Variants in RGS6 observed in about 807,000 individuals in gnomAD.
The protein encoded by RGS6 is regulator of G protein signaling 6.
In RGS6, 30 loss-of-function variants were observed where a neutral mutation model predicts 78.5. The observed-to-expected ratio is 0.38, with a 90% confidence interval of 0.29 to 0.52. The LOEUF is 0.52. Among genes scored for constraint, RGS6 ranks in the 20% least tolerant of loss-of-function variants. The pLI is 0.85. For synonymous variants in RGS6, 206 were observed against 206.0 expected, an observed-to-expected ratio of 1.00 and a Z score of 0.00; for missense variants, 495 against 609.7, an observed-to-expected ratio of 0.81 and a Z score of 1.98.
chr14:72,547,456 A>G, intron 17 of RGS6: 3 of 777,538 alleles, frequency 3.9e-6, no homozygotes, highest in Non-Finnish European at 6.2e-6. Flanking sequence ...TAAAATAGTG[A>G]TGAGTGTCCC....
At position 72,548,346 on chromosome 14, in the gene RGS6, C is replaced by T. The variant is rs977724856; in HGVS notation, c.1422+8252C>T. On this transcript the variant is annotated intron_variant, in intron 17 of 17. Transcript: ENST00000553525. ...TCATATTTGTGTGTGTGTGTGTGCG[C>T]GCGTGTGTGTGTGTGTGTGTGTGTG... 7.7e-4 allele frequency among the ~76,000 whole-genome samples: 95 copies of T among 124,112 alleles called. 1 individual carries two copies. The highest frequency in any genetic ancestry group is 1.4e-3 in the Admixed American group (17 of 12,254). 81.4% of individuals were successfully genotyped at this position (124,112 alleles called of 152,430 possible).
At chr14:71,924,217 T>C in the RGS6 span, among the ~76,000 whole-genome samples, 1 of 151,982 alleles carries the variant, frequency 6.6e-6, no homozygotes, top group Non-Finnish European at 1.5e-5. Context: ...GCTAATTTTT[T>C]AAATTTTTGT....
intron 2 of RGS6, among the ~76,000 whole-genome samples, chr14:72,107,358 A>G (rs938551316): frequency 1.3e-5 from 2 of 152,190 alleles, no homozygotes; most frequent in African/African-American, 4.8e-5. Flanking sequence ...GAGCCTCTTC[A>G]ACTTGGCTCT....
intron 2 of RGS6, among the ~76,000 whole-genome samples, chr14:72,308,697 G>T (rs964971437): frequency 3.9e-5 from 6 of 152,160 alleles, no homozygotes; most frequent in African/African-American, 1.2e-4. Flanking sequence ...AGAGCACTTG[G>T]CCATGAGTAA....
At chr14:72,009,438 C>A (rs185662107) in intron 2 of RGS6, among the ~76,000 whole-genome samples, 1 of 152,198 alleles carries the variant, frequency 6.6e-6, no homozygotes, top group Non-Finnish European at 1.5e-5. Context: ...TGTCACAATA[C>A]GATGCTGGAG....
At chr14:72,015,537 T>C (rs1363516117) in intron 2 of RGS6, among the ~76,000 whole-genome samples, 2 of 152,228 alleles carry the variant, frequency 1.3e-5, no homozygotes, top group Non-Finnish European at 2.9e-5. Flanking sequence ...TTTTTTGTTA[T>C]TACAAATAGT....
intron 2 of RGS6, among the ~76,000 whole-genome samples, chr14:72,120,275 T>G (rs1167314287): frequency 6.6e-6 from 1 of 152,226 alleles, no homozygotes; most frequent in Non-Finnish European, 1.5e-5. Context: ...AAATATTGTT[T>G]TAGCACAGTG....
intron 14 of RGS6, among the ~76,000 whole-genome samples, chr14:72,512,726 G>A (rs962476480): frequency 7.9e-5 from 12 of 152,240 alleles, no homozygotes; most frequent in African/African-American, 2.9e-4. Flanking sequence ...GATACATGGT[G>A]GGTGAGAGAG....
At chr14:72,249,933 C>A (rs529306687) in intron 2 of RGS6, among the ~76,000 whole-genome samples, 11 of 152,062 alleles carry the variant, frequency 7.2e-5, no homozygotes, top group Non-Finnish European at 1.3e-4. Flanking sequence ...AGTTCATGTC[C>A]TTTGTAGGGA....
In RGS6 at chr14:72,536,220, A is replaced by G. The variant is rs1397038997; in HGVS notation, c.1313A>G (p.Tyr438Cys). ...HIYKLMKSDS[Y>C]ARFLRSNAYQ... ...TACAAGCTGATGAAGAGTGACAGCT[A>G]TGCCCGCTTCCTCCGGTCAAATGCT... The change falls in exon 16 of 18, where the codon TAT becomes TGT. Residue 438 changes from tyrosine (Y) to cysteine (C), a missense_variant. Tyr to Cys is a radical substitution (Grantham distance 194). Coordinates refer to ENST00000553525, the MANE Select transcript of RGS6 (RefSeq NM_001204424.2). The G allele has an allele frequency of 6.2e-7, 1 of 1,613,946 alleles. No homozygotes were observed. The highest frequency in any genetic ancestry group is 8.5e-7 in the Non-Finnish European group (1 of 1,179,898).
chr14:71,981,063 A>AGGCTTCTGC (rs1246812956), intron 2 of RGS6, among the ~76,000 whole-genome samples: 12 of 149,364 alleles, frequency 8.0e-5, no homozygotes, highest in Non-Finnish European at 1.6e-4. Flanking sequence ...TCGGCTCCTG[A>AGGCTTCTGC]GGCTTCTGCA....
At chr14:72,597,342 T>A in the RGS6 span, among the ~76,000 whole-genome samples, 2 of 152,252 alleles carry the variant, frequency 1.3e-5, no homozygotes, top group African/African-American at 4.8e-5. Context: ...TAGCATGGCA[T>A]CTGGCTCGTT....
chr14:72,310,452 C>G (rs1254912378), intron 2 of RGS6, among the ~76,000 whole-genome samples: 1 of 152,174 alleles, frequency 6.6e-6, no homozygotes, highest in Admixed American at 6.5e-5. Context: ...GCTGCCCATC[C>G]CTTAGAGTGT....
intron 2 of RGS6, among the ~76,000 whole-genome samples, chr14:72,014,397 C>G (rs1439928998): frequency 6.6e-6 from 1 of 152,142 alleles, no homozygotes; most frequent in African/African-American, 2.4e-5. Context: ...TTAAAAATTA[C>G]CTTTAAAGCA....
rs545935604 is a variant in RGS6 at position 72,072,451 on chromosome 14, G to C, written c.84+107576G>C. Among the ~76,000 whole-genome samples the C allele has an allele frequency of 3.9e-5, 6 of 152,238 alleles. No homozygotes were observed. In the East Asian group the frequency reaches 1.2e-3, roughly 29 times the overall value. On this transcript the variant is annotated intron_variant, in intron 2 of 17. Coordinates refer to ENST00000553525, the MANE Select transcript of RGS6 (RefSeq NM_001204424.2). ...AGCCTTCTGAGTGCTGGGACTACAG[G>C]TGTGTGCCACCATGCCCGGCTAATT...
chr14:72,116,113 GA>G (rs138031764), intron 2 of RGS6, among the ~76,000 whole-genome samples: 6,573 of 152,290 alleles, frequency 0.043, 163 homozygotes, highest in Middle Eastern at 0.088. Context: ...GTGTGATGTA[GA>G]GATACCTAAA....
At chr14:72,150,624 G>A (rs1265776273) in intron 2 of RGS6, among the ~76,000 whole-genome samples, 3 of 151,926 alleles carry the variant, frequency 2.0e-5, no homozygotes, top group Admixed American at 6.6e-5. Flanking sequence ...AAGCAGGCAC[G>A]TCTTACATAG....
At chr14:72,099,968 G>A (rs1245629269) in intron 2 of RGS6, among the ~76,000 whole-genome samples, 1 of 152,108 alleles carries the variant, frequency 6.6e-6, no homozygotes, top group East Asian at 1.9e-4. Flanking sequence ...TCGTAATCAG[G>A]TTGCTGTTTC....
At chr14:72,560,358 TTG>T in intron 17 of RGS6, among the ~76,000 whole-genome samples, 1 of 152,018 alleles carries the variant, frequency 6.6e-6, no homozygotes, top group East Asian at 1.9e-4. Context: ...TAGGGGAGGT[TTG>T]TAAGAGCTCT....
Sources: allele counts gnomAD v4.1 joint callset (sites outside exome capture counted in the v4.1 genomes callset), GRCh38; gene constraint gnomAD v4.1.1; transcripts MANE v1.5; gene names NCBI Gene and HGNC (gene_info 2026-07-23, HGNC 2026-07-21).